Variants in MAGI2 observed in about 807,000 individuals in gnomAD.
MAGI2 encodes membrane-associated guanylate kinase, WW and PDZ domain-containing protein 2.
MAGI2 carries 35 observed loss-of-function variants against 133.3 expected under a neutral mutation model. The observed-to-expected ratio is 0.26, with a 90% CI of 0.20 to 0.35. MAGI2 has a LOEUF of 0.35. Among genes scored for constraint, MAGI2 ranks in the 10% least tolerant of loss-of-function variants. The pLI, the probability that MAGI2 is intolerant of heterozygous loss-of-function variation, is 1.00. For synonymous variants in MAGI2, 729 were observed against 710.6 expected, an observed-to-expected ratio of 1.03 and a Z score of -0.41; for missense variants, 1,636 against 1,863.4, an observed-to-expected ratio of 0.88 and a Z score of 2.25.
intron 2 of MAGI2, among the ~76,000 whole-genome samples, chr7:78,670,100 G>T (rs1335342802): frequency 1.3e-5 from 2 of 151,508 alleles, no homozygotes; most frequent in East Asian, 3.9e-4. Flanking sequence ...GGAAATAAAA[G>T]GTATTCAATT....
At chr7:79,060,358 A>T (rs187379062) in intron 1 of MAGI2, among the ~76,000 whole-genome samples, 5,400 of 151,578 alleles carry the variant, frequency 0.036, 202 homozygotes, top group African/African-American at 0.093. Context: ...ATATTTTTTT[A>T]AAAAAAAACT....
chr7:78,113,429 G>A (rs547809023), intron 20 of MAGI2, among the ~76,000 whole-genome samples: 5 of 152,224 alleles, frequency 3.3e-5, no homozygotes, highest in South Asian at 2.1e-4. Flanking sequence ...GAGTACAGTC[G>A]TGCACCACAT....
At chr7:78,358,720 G>T in intron 7 of MAGI2, 1 of 220,264 alleles carries the variant, frequency 4.5e-6, no homozygotes, top group South Asian at 6.1e-5. Flanking sequence ...ACCAGGTAGT[G>T]ACAGCCACCA....
chr7:79,126,826 T>G (rs937434046), intron 1 of MAGI2, among the ~76,000 whole-genome samples: 1 of 151,824 alleles, frequency 6.6e-6, no homozygotes, highest in Non-Finnish European at 1.5e-5. Flanking sequence ...ATACTTTAAG[T>G]TTTAGGATAC....
chr7:78,507,222 G>A (rs971015867), intron 4 of MAGI2, among the ~76,000 whole-genome samples: 1 of 152,022 alleles, frequency 6.6e-6, no homozygotes, highest in Admixed American at 6.6e-5. Flanking sequence ...AATGAATAAG[G>A]CAAATAAAGA....
At position 78,030,035 on chromosome 7, in the gene MAGI2, C is replaced by T. The variant is rs555072205; in HGVS notation, c.3707-10059G>A. 5.9e-5 allele frequency among the ~76,000 whole-genome samples: 9 copies of T among 152,262 alleles called. 1 individual carries two copies. In the South Asian group the frequency reaches 1.5e-3, roughly 25 times the overall value. ...TCCTACTTGTCTTTAGGAAGCAAGT[C>T]AGCAACTTGTGGTAGAGAGTGGCTA... On this transcript the variant is annotated intron_variant, in intron 21 of 21. Transcript: ENST00000354212.
chr7:79,268,636 GAT>G (rs1158602741), intron 1 of MAGI2, among the ~76,000 whole-genome samples: 39 of 152,290 alleles, frequency 2.6e-4, no homozygotes, highest in African/African-American at 9.4e-4. Context: ...GTATACTAGA[GAT>G]ATTTTAGCTT....
intron 2 of MAGI2, among the ~76,000 whole-genome samples, chr7:78,678,522 C>T (rs1055454589): frequency 1.3e-5 from 2 of 151,972 alleles, no homozygotes; most frequent in Non-Finnish European, 2.9e-5. Context: ...ATTAGTCAAC[C>T]CCCTTCCTTC....
chr7:78,439,187 G>A (rs1423856042), intron 6 of MAGI2, among the ~76,000 whole-genome samples: 1 of 152,162 alleles, frequency 6.6e-6, no homozygotes, highest in Non-Finnish European at 1.5e-5. Context: ...TCAGTTCCTT[G>A]GATGTGCCTT....
chr7:79,128,156 T>C (rs1820598770), intron 1 of MAGI2, among the ~76,000 whole-genome samples: 1 of 152,166 alleles, frequency 6.6e-6, no homozygotes, highest in Non-Finnish European at 1.5e-5. Flanking sequence ...TCCATTGGTC[T>C]ATATCTCTGA....
At chr7:78,903,702 TA>T (rs1285109230) in intron 2 of MAGI2, among the ~76,000 whole-genome samples, 1 of 152,100 alleles carries the variant, frequency 6.6e-6, no homozygotes, top group African/African-American at 2.4e-5. Context: ...AGAATTTTTT[TA>T]CCACCTCTCT....
intron 1 of MAGI2, among the ~76,000 whole-genome samples, chr7:79,021,155 C>T (rs1276544689): frequency 2.0e-5 from 3 of 152,190 alleles, no homozygotes; most frequent in Non-Finnish European, 4.4e-5. Flanking sequence ...ATGGAAACAC[C>T]TGGATGTCTA....
intron 1 of MAGI2, among the ~76,000 whole-genome samples, chr7:79,045,990 CG>C (rs1459151511): frequency 2.6e-5 from 4 of 152,094 alleles, no homozygotes; most frequent in Admixed American, 2.6e-4. Context: ...ACTATAATAG[CG>C]TAAGTTGTAA....
At chr7:78,654,624 C>T (rs1811932857) in intron 2 of MAGI2, among the ~76,000 whole-genome samples, 1 of 149,356 alleles carries the variant, frequency 6.7e-6, no homozygotes, top group South Asian at 2.1e-4. Flanking sequence ...AGCCCATAGC[C>T]CCATTTCGAG....
chr7:78,536,793 C>T (rs1278660852), intron 3 of MAGI2, among the ~76,000 whole-genome samples: 1 of 138,210 alleles, frequency 7.2e-6, no homozygotes, highest in African/African-American at 2.7e-5. Context: ...CAGAGTCTTG[C>T]TCTGTCGCCC....
intron 1 of MAGI2, among the ~76,000 whole-genome samples, chr7:79,281,680 GA>G (rs1487209712): frequency 1.3e-5 from 2 of 152,128 alleles, no homozygotes; most frequent in Non-Finnish European, 2.9e-5. Context: ...TGAAGTTATG[GA>G]AAAAGTAGAT....
chr7:78,890,088 T>TA (rs1417121429), intron 2 of MAGI2, among the ~76,000 whole-genome samples: 6 of 152,100 alleles, frequency 3.9e-5, no homozygotes, highest in Admixed American at 3.3e-4. Flanking sequence ...TAATCTCTGA[T>TA]AAAACAGACT....
At chr7:79,084,192 G>A (rs571171148) in intron 1 of MAGI2, among the ~76,000 whole-genome samples, 17 of 151,466 alleles carry the variant, frequency 1.1e-4, no homozygotes, top group African/African-American at 3.1e-4. Context: ...TCTTATGATT[G>A]CTTTGAGTTC....
intron 2 of MAGI2, among the ~76,000 whole-genome samples, chr7:78,664,253 C>T (rs1395448546): frequency 6.6e-6 from 1 of 152,158 alleles, no homozygotes; most frequent in Admixed American, 6.5e-5. Flanking sequence ...TTTCTCCTTT[C>T]ACCAGTAGTT....
Sources: gnomAD v4.1 joint callset for allele counts (sites outside exome capture counted in the v4.1 genomes callset) on GRCh38, gnomAD v4.1.1 for gene constraint, MANE v1.5 for transcripts, NCBI Gene and HGNC (gene_info 2026-07-23, HGNC 2026-07-21) for gene names.